LRRTM4: variants seen among roughly 807,000 people sequenced by gnomAD.
LRRTM4 encodes leucine rich repeat transmembrane neuronal 4.
Under a neutral mutation model 47.6 loss-of-function variants are expected in LRRTM4, and 25 were observed. The observed-to-expected ratio is 0.53, with a 90% CI of 0.38 to 0.73. The LOEUF is 0.73. Among genes scored for constraint, LRRTM4 ranks in the 30% least tolerant of loss-of-function variants. The pLI, the probability that LRRTM4 is intolerant of heterozygous loss-of-function variation, is 0.00. For missense variants in LRRTM4, 638 were observed against 713.4 expected (o/e 0.89, Z 1.20); for synonymous variants, 311 against 269.5 (o/e 1.15, Z -1.51).
intron 3 of LRRTM4, among the ~76,000 whole-genome samples, chr2:76,821,473 A>G (rs1671051358): frequency 6.6e-6 from 1 of 151,740 alleles, no homozygotes; most frequent in Non-Finnish European, 1.5e-5. Flanking sequence ...GAGAAAAGCC[A>G]TCATTTCTAA....
chr2:77,182,258 C>T (rs551338562), intron 3 of LRRTM4, among the ~76,000 whole-genome samples: 30 of 152,224 alleles, frequency 2.0e-4, no homozygotes, highest in African/African-American at 7.0e-4. Flanking sequence ...GGAATGAGAT[C>T]GTGTCCTTTA....
intron 3 of LRRTM4, among the ~76,000 whole-genome samples, chr2:77,362,248 G>A (rs1050898922): frequency 2.0e-5 from 3 of 152,116 alleles, no homozygotes; most frequent in Non-Finnish European, 4.4e-5. Flanking sequence ...GAGGCAGACT[G>A]GCTCCGGAGT....
intron 3 of LRRTM4, among the ~76,000 whole-genome samples, chr2:76,980,733 C>T (rs1028583721): frequency 6.6e-6 from 1 of 151,998 alleles, no homozygotes; most frequent in Non-Finnish European, 1.5e-5. Flanking sequence ...ATTTGGTAAC[C>T]ATGAGAAAAG....
chr2:76,856,820 C>G (rs1672165961), intron 3 of LRRTM4, among the ~76,000 whole-genome samples: 1 of 151,850 alleles, frequency 6.6e-6, no homozygotes, highest in South Asian at 2.1e-4. Flanking sequence ...AGATACACAA[C>G]AAGATTTTGA....
intron 3 of LRRTM4, among the ~76,000 whole-genome samples, chr2:77,028,959 C>A (rs377082228): frequency 6.7e-6 from 1 of 150,286 alleles, no homozygotes; most frequent in Admixed American, 6.7e-5. Context: ...GGTGTGAACC[C>A]GGGAGGCGGA....
At chr2:76,841,176 C>CA (rs1409865934) in intron 3 of LRRTM4, among the ~76,000 whole-genome samples, 13 of 148,114 alleles carry the variant, frequency 8.8e-5, no homozygotes, top group African/African-American at 3.0e-4. Context: ...ATCGCAAGGA[C>CA]AAAAAACCAA....
intron 3 of LRRTM4, among the ~76,000 whole-genome samples, chr2:77,034,238 T>C (rs1678761635): frequency 6.6e-6 from 1 of 151,964 alleles, no homozygotes; most frequent in Admixed American, 6.6e-5. Flanking sequence ...TGAAATATTA[T>C]AAGGTAAACA....
At chr2:77,229,380 G>A (rs1047622666) in intron 3 of LRRTM4, among the ~76,000 whole-genome samples, 20 of 152,068 alleles carry the variant, frequency 1.3e-4, no homozygotes, top group African/African-American at 4.8e-4. Context: ...CTTTCTACGA[G>A]AGTCTTAAGC....
chr2:77,268,767 C>A (rs1226476701), intron 3 of LRRTM4, among the ~76,000 whole-genome samples: 1 of 152,102 alleles, frequency 6.6e-6, no homozygotes, highest in Admixed American at 6.5e-5. Context: ...CTGAATCACT[C>A]GTATCCATAG....
In LRRTM4 at chr2:77,155,742, G is replaced by T. The variant is rs571759697; in HGVS notation, c.1551+362576C>A. 1.2e-4 allele frequency among the ~76,000 whole-genome samples: 18 copies of T among 152,144 alleles called. No individual in the cohort carries two copies. In the South Asian group the frequency reaches 3.7e-3, roughly 32 times the overall value. On this transcript the variant is annotated intron_variant, in intron 3 of 3. Coordinates refer to ENST00000409884, the MANE Select transcript of LRRTM4 (RefSeq NM_001134745.3). ...CAGTGACTCTGGAAGGTTACGGGAG[G>T]GGGAGGATGGGAAGAGGTTGGTTAA...
chr2:77,059,341 T>C (rs779578281), intron 3 of LRRTM4, among the ~76,000 whole-genome samples: 6 of 151,518 alleles, frequency 4.0e-5, no homozygotes, highest in Non-Finnish European at 7.4e-5. Context: ...TTCAGTAGAG[T>C]TGTCTTAATA....
intron 3 of LRRTM4, among the ~76,000 whole-genome samples, chr2:77,321,812 A>G (rs1677801527): frequency 6.6e-6 from 1 of 152,126 alleles, no homozygotes; most frequent in Non-Finnish European, 1.5e-5. Context: ...ATGGCAAGGT[A>G]TTAATTCTGG....
chr2:76,969,858 A>G (rs1373681272), intron 3 of LRRTM4, among the ~76,000 whole-genome samples: 3 of 152,000 alleles, frequency 2.0e-5, no homozygotes, highest in East Asian at 3.9e-4. Context: ...AAATAAATAA[A>G]TAAGAAATGG....
At position 77,314,770 on chromosome 2, in the gene LRRTM4, T is replaced by C. The variant is rs1412089470; in HGVS notation, c.1551+203548A>G. On this transcript the variant is annotated intron_variant, in intron 3 of 3. Coordinates refer to ENST00000409884, the MANE Select transcript of LRRTM4 (RefSeq NM_001134745.3). ...TTTCTACTTTATGATAGTGTGAAAG[T>C]GATACACATTTAGTAGAAACCTTAC... 2.6e-5 allele frequency among the ~76,000 whole-genome samples: 4 copies of C among 152,302 alleles called. No individual in the cohort carries two copies. In the East Asian group the frequency reaches 7.7e-4, roughly 29 times the overall value.
At chr2:77,284,078 T>A (rs970670023) in intron 3 of LRRTM4, among the ~76,000 whole-genome samples, 3 of 152,120 alleles carry the variant, frequency 2.0e-5, no homozygotes, top group Admixed American at 6.6e-5. Context: ...ATAACACTTT[T>A]AGATCCCTTA....
intron 3 of LRRTM4, among the ~76,000 whole-genome samples, chr2:77,503,643 G>T (rs1188603114): frequency 1.3e-5 from 2 of 151,518 alleles, no homozygotes; most frequent in African/African-American, 4.8e-5. Context: ...GGGAGAGACA[G>T]AGAGAGAATA....
At chr2:77,040,346 A>G (rs1489928349) in intron 3 of LRRTM4, among the ~76,000 whole-genome samples, 4 of 151,570 alleles carry the variant, frequency 2.6e-5, no homozygotes, top group East Asian at 1.9e-4. Flanking sequence ...TGCACACGAA[A>G]TAACTAAAAA....
intron 3 of LRRTM4, among the ~76,000 whole-genome samples, chr2:77,334,500 C>T (rs1671089717): frequency 6.6e-6 from 1 of 152,134 alleles, no homozygotes; most frequent in Admixed American, 6.6e-5. Flanking sequence ...GTTTTAAAAA[C>T]AATAATTTTC....
chr2:77,521,683 C>T lies in LRRTM4; in HGVS notation c.-12G>A, dbSNP rs1679507069. The T allele has an allele frequency of 3.7e-6, 6 of 1,611,782 alleles. No homozygotes were observed. The South Asian group carries it at 6.6e-5, about 18-fold the overall frequency. Reference sequence around the variant, plus strand: ...GTTCACTTACCCATCCTTTGTCATCCAAAAACGTTTCCCCCCTCTCTCAGC... The same window carrying T: ...GTTCACTTACCCATCCTTTGTCATCTAAAAACGTTTCCCCCCTCTCTCAGC... On this transcript the variant is annotated 5_prime_UTR_variant, in exon 2 of 4. Coordinates refer to ENST00000409884, the MANE Select transcript of LRRTM4 (RefSeq NM_001134745.3).
Sources: allele counts gnomAD v4.1 joint callset (sites outside exome capture counted in the v4.1 genomes callset), GRCh38; gene constraint gnomAD v4.1.1; transcripts MANE v1.5; gene names NCBI Gene and HGNC (gene_info 2026-07-23, HGNC 2026-07-21).